Variants in DCAF8L2 observed in about 807,000 individuals in gnomAD.
DCAF8L2 encodes the protein DDB1 and CUL4 associated factor 8 like 2.
For missense variants in DCAF8L2, 430 were observed against 490.7 expected (o/e 0.88, Z 1.17); for synonymous variants, 200 against 190.9 (o/e 1.05, Z -0.39).
upstream of DCAF8L2, among the ~76,000 whole-genome samples, chrX:27,585,855 C>T (rs1230833397): frequency 9.0e-6 from 1 of 111,606 alleles, no homozygotes; most frequent in Non-Finnish European, 1.9e-5. Context: ...AGTGAACTCT[C>T]AGTAAGAAAA....
intron 1 of DCAF8L2, among the ~76,000 whole-genome samples, chrX:27,604,444 C>T (rs1730939536): frequency 9.0e-6 from 1 of 111,291 alleles, no homozygotes; most frequent in African/African-American, 3.3e-5. Context: ...GTTACTGTCT[C>T]TTCATACTCA....
the DCAF8L2 span, among the ~76,000 whole-genome samples, chrX:27,566,033 G>A: frequency 9.0e-6 from 1 of 110,593 alleles, no homozygotes; most frequent in African/African-American, 3.3e-5. Flanking sequence ...GCATGTGTTA[G>A]GAGATGGAAT....
the DCAF8L2 span, among the ~76,000 whole-genome samples, chrX:27,531,443 C>A: frequency 9.0e-6 from 1 of 111,559 alleles, no homozygotes; most frequent in Non-Finnish European, 1.9e-5. Flanking sequence ...AGACACAAAG[C>A]CAAACCATAT....
chrX:27,477,314 G>A, the DCAF8L2 span, among the ~76,000 whole-genome samples: 2 of 111,919 alleles, frequency 1.8e-5, no homozygotes, highest in East Asian at 5.7e-4. Flanking sequence ...TTGAGACGGA[G>A]TCTCGCTCTG....
At chrX:27,517,506 A>G in the DCAF8L2 span, among the ~76,000 whole-genome samples, 3 of 111,267 alleles carry the variant, frequency 2.7e-5, no homozygotes, top group East Asian at 2.8e-4. Flanking sequence ...AGAAAAAAAA[A>G]AAAAGAAAAG....
chrX:27,516,130 G>C, the DCAF8L2 span, among the ~76,000 whole-genome samples: 1 of 111,134 alleles, frequency 9.0e-6, no homozygotes, highest in South Asian at 3.7e-4. Flanking sequence ...ACACCAAATG[G>C]AAAGTAGCTG....
chrX:27,555,917 A>G, the DCAF8L2 span, among the ~76,000 whole-genome samples: 1 of 111,188 alleles, frequency 9.0e-6, no homozygotes, highest in Non-Finnish European at 1.9e-5. Context: ...TCCCTTCAGC[A>G]CTGACACCCC....
At chrX:27,645,723 G>A (rs989330147) in intron 2 of DCAF8L2, among the ~76,000 whole-genome samples, 23 of 111,463 alleles carry the variant, frequency 2.1e-4, no homozygotes, top group Non-Finnish European at 3.8e-4. Flanking sequence ...CAAAATCTCA[G>A]GATACAAAAT....
the DCAF8L2 span, among the ~76,000 whole-genome samples, chrX:27,562,213 A>G: frequency 8.9e-6 from 1 of 112,578 alleles, no homozygotes; most frequent in Non-Finnish European, 1.9e-5. Flanking sequence ...TATTTTCTCC[A>G]TAAGTAACAC....
At chrX:27,648,626 A>G (rs1443796580) in intron 2 of DCAF8L2, among the ~76,000 whole-genome samples, 1 of 109,985 alleles carries the variant, frequency 9.1e-6, no homozygotes, top group Non-Finnish European at 1.9e-5. Flanking sequence ...ATTTTAAAAG[A>G]GGAATTTAGA....
chrX:27,493,597 G>T, the DCAF8L2 span, among the ~76,000 whole-genome samples: 1 of 107,681 alleles, frequency 9.3e-6, no homozygotes, highest in Non-Finnish European at 1.9e-5. Flanking sequence ...TGCAGTCCCA[G>T]CTACTCGGGA....
At chrX:27,680,338 C>G (rs1381548902) in intron 3 of DCAF8L2, among the ~76,000 whole-genome samples, 5 of 111,823 alleles carry the variant, frequency 4.5e-5, no homozygotes, top group African/African-American at 1.6e-4. Context: ...AAAAAGACTT[C>G]ATAAAGCATG....
chrX:27,473,859 A>G, the DCAF8L2 span, among the ~76,000 whole-genome samples: 1 of 111,622 alleles, frequency 9.0e-6, no homozygotes, highest in Admixed American at 9.6e-5. Context: ...AACAATGGAA[A>G]TAAGAGAGGA....
intron 3 of DCAF8L2, among the ~76,000 whole-genome samples, chrX:27,711,651 A>G (rs1209291372): frequency 1.8e-5 from 2 of 110,663 alleles, no homozygotes; most frequent in East Asian, 2.8e-4. Flanking sequence ...ATAATTAAAA[A>G]GGAATATTGA....
intron 2 of DCAF8L2, among the ~76,000 whole-genome samples, chrX:27,664,994 G>A (rs1016937507): frequency 6.3e-5 from 7 of 110,876 alleles, no homozygotes; most frequent in African/African-American, 2.3e-4. Flanking sequence ...GATTAATATT[G>A]TTCTCATACC....
chrX:27,688,977 G>A (rs1395215025), intron 3 of DCAF8L2, among the ~76,000 whole-genome samples: 1 of 111,505 alleles, frequency 9.0e-6, no homozygotes, highest in Non-Finnish European at 1.9e-5. Flanking sequence ...GAAATATCTT[G>A]TTAATGTTTT....
rs190232561 is a variant in DCAF8L2, at chrX:27,596,210, G to A, written c.-342+5770G>A. On this transcript the variant is annotated intron_variant, in intron 1 of 4. Coordinates refer to ENST00000451261, the MANE Select transcript of DCAF8L2 (RefSeq NM_001353450.2). ...AATAATGTTTATTTTGTTGAGAGCAGGATTTATTTTCCTACTGATTTTACT... is the reference window on the plus strand; with the variant it reads ...AATAATGTTTATTTTGTTGAGAGCAAGATTTATTTTCCTACTGATTTTACT... Among the ~76,000 whole-genome samples, 977 of 111,607 alleles carry A rather than the reference G, an allele frequency of 8.8e-3. 8 individuals are homozygous for A. The highest frequency in any genetic ancestry group is 0.014 in the Non-Finnish European group (758 of 53,164).
chrX:27,566,636 A>C, the DCAF8L2 span, among the ~76,000 whole-genome samples: 1 of 110,850 alleles, frequency 9.0e-6, no homozygotes, highest in African/African-American at 3.3e-5. Context: ...CTTTTTTCTT[A>C]GTTAGTGTAG....
intron 4 of DCAF8L2, among the ~76,000 whole-genome samples, chrX:27,742,409 A>C (rs1442995318): frequency 9.1e-6 from 1 of 109,633 alleles, no homozygotes; most frequent in Non-Finnish European, 1.9e-5. Context: ...TCTCCACTGA[A>C]AATAGAAAAA....
Sources: allele counts gnomAD v4.1 joint callset (sites outside exome capture counted in the v4.1 genomes callset), GRCh38; gene constraint gnomAD v4.1.1; transcripts MANE v1.5; gene names NCBI Gene and HGNC (gene_info 2026-07-23, HGNC 2026-07-21).